PCMTD2: variants seen among roughly 807,000 people sequenced by gnomAD.
PCMTD2 encodes protein-L-isoaspartate (D-aspartate) O-methyltransferase domain containing 2.
Under a neutral mutation model 33.4 loss-of-function variants are expected in PCMTD2, and 16 were observed. The ratio of observed to expected loss-of-function variants is 0.48; its 90% CI spans 0.32 to 0.73. The LOEUF is 0.73. Among genes scored for constraint, PCMTD2 ranks in the 30% least tolerant of loss-of-function variants. The pLI is 0.03. For synonymous variants in PCMTD2, 161 were observed against 160.8 expected (o/e 1.00, Z -0.01); for missense variants, 374 against 449.9 (o/e 0.83, Z 1.53).
chr20:64,264,595 A>G, intron 3 of PCMTD2, 64 bp downstream of exon 3: 1 of 823,654 alleles, frequency 1.2e-6, no homozygotes, highest in Non-Finnish European at 2.1e-6. Context: ...AGTTTTGATC[A>G]GATAGAAAGA....
Position 64,260,358 on chromosome 20 carries a change from C to T in PCMTD2, c.307+86C>T, listed in dbSNP as rs1390947616. The T allele has an allele frequency of 8.6e-6, 8 of 930,164 alleles. No individual in the cohort carries two copies. In the East Asian group the frequency reaches 1.9e-4, roughly 22 times the overall value. 57.6% of individuals were successfully genotyped at this position (930,164 alleles called of 1,614,324 possible). On this transcript the variant is annotated intron_variant, in intron 2 of 5. Coordinates refer to ENST00000308824, the MANE Select transcript of PCMTD2 (RefSeq NM_018257.3). ...ACAGAAAATGTAGTCTGCTAATGGC[C>T]TGCCTGGGTCGAGACCGCAGCCTTC...
At chr20:64,271,892 ACAGCCAGATCC>A (rs1351426627) in intron 5 of PCMTD2, 1 of 206,208 alleles carries the variant, frequency 4.8e-6, no homozygotes, top group East Asian at 1.1e-4. Flanking sequence ...TCTTGGGGCA[ACAGCCAGATCC>A]CAGTGGCTCT....
intron 1 of PCMTD2, chr20:64,256,924 C>T (rs980032152): frequency 6.6e-6 from 1 of 152,226 alleles, no homozygotes; most frequent in Non-Finnish European, 1.5e-5. Context: ...AGGTGCTCCC[C>T]GGCTTACGGT....
Position 64,264,463 on chromosome 20 carries a change from C to T in PCMTD2, c.342C>T (p.His114=). 1 of 1,604,808 alleles carries T rather than the reference C, an allele frequency of 6.2e-7. No individual in the cohort carries two copies. The highest frequency in any genetic ancestry group is 2.2e-5 in the East Asian group (1 of 44,836). The part of the protein sequence containing the change: ...PFGVNHGVEL[H]SDVIEYAKQK... Reference sequence around the variant, plus strand: ...GTGTGAACCATGGGGTGGAACTTCACTCAGATGTGATAGAGTATGCAAAGC... The same window carrying T: ...GTGTGAACCATGGGGTGGAACTTCATTCAGATGTGATAGAGTATGCAAAGC... The change falls in exon 3 of 6, where the codon CAC becomes CAT. Residue 114 remains histidine, a synonymous_variant. Transcript: ENST00000308824.
At chr20:64,257,635 G>C (rs1985223483) in intron 1 of PCMTD2, among the ~76,000 whole-genome samples, 1 of 152,170 alleles carries the variant, frequency 6.6e-6, no homozygotes, top group Admixed American at 6.5e-5. Context: ...GACAAAGATG[G>C]TAATAAATAT....
chr20:64,259,935 A>G lies in PCMTD2; in HGVS notation c.-24-7A>G, dbSNP rs759745511. On this transcript the variant is annotated splice_region_variant and splice_polypyrimidine_tract_variant and intron_variant, in intron 1 of 5. Transcript: ENST00000308824. Reference sequence around the variant, plus strand: ...AAATCGCTCTTTTTAAACATTTTTAATTATAGTATTGCCTAAGTGTAATCT... The same window carrying G: ...AAATCGCTCTTTTTAAACATTTTTAGTTATAGTATTGCCTAAGTGTAATCT... 6.9e-7 allele frequency: 1 copy of G among 1,454,470 alleles called. No individual in the cohort carries two copies. The highest frequency in any genetic ancestry group is 1.2e-5 in the South Asian group (1 of 84,354). The allele number at this position is 1,454,470 out of a possible 1,614,324, so 90.1% of individuals were successfully genotyped here. A position where few individuals can be genotyped will look rare whatever the true frequency, so the allele number is the denominator to read the frequency against.
intron 5 of PCMTD2, chr20:64,272,177 G>A (rs577848230): frequency 3.4e-4 from 126 of 365,398 alleles, no homozygotes; most frequent in African/African-American, 3.0e-3. Context: ...CTGTTTGAGG[G>A]TTTCTGAAGA....
chr20:64,272,750 A>G (rs1439888756), intron 5 of PCMTD2, among the ~76,000 whole-genome samples: 2 of 152,296 alleles, frequency 1.3e-5, no homozygotes, highest in Non-Finnish European at 2.9e-5. Context: ...AACCCAGGAG[A>G]CGGAGGTTGC....
At position 64,273,294 on chromosome 20, in the gene PCMTD2, T is replaced by A. The variant is rs1302825115; in HGVS notation, c.780T>A (p.His260Gln). 1 of 1,614,072 alleles carries A rather than the reference T, an allele frequency of 6.2e-7. No individual in the cohort carries two copies. The highest frequency in any genetic ancestry group is 8.5e-7 in the Non-Finnish European group (1 of 1,179,974). ...GGGGCACCATTAAAAAGATTATTCA[T>A]CAGGAAACTGTGAGCAAAAACGGAA... is the stretch of plus-strand genomic sequence containing the variant. ...AIRGTIKKII[H>Q]QETVSKNGNG... The change falls in exon 6 of 6, where the codon CAT becomes CAA. Residue 260 changes from histidine to glutamine, a missense_variant. Transcript: ENST00000308824.
chr20:64,265,481 T>C, intron 4 of PCMTD2, 52 bp downstream of exon 4: 2 of 1,382,914 alleles, frequency 1.4e-6, no homozygotes, highest in South Asian at 1.3e-5. Context: ...CCAAGGTCTG[T>C]TCTGGGCAGT....
chr20:64,268,721 C>CT (rs1302941469), intron 5 of PCMTD2, among the ~76,000 whole-genome samples: 1 of 121,608 alleles, frequency 8.2e-6, no homozygotes, highest in African/African-American at 3.4e-5. Context: ...TTTGCATAGT[C>CT]TTACAAAAAA....
At chr20:64,261,669 A>G (rs1414312226) in intron 2 of PCMTD2, among the ~76,000 whole-genome samples, 1 of 152,054 alleles carries the variant, frequency 6.6e-6, no homozygotes, top group African/African-American at 2.4e-5. Flanking sequence ...TTTTGGCTTT[A>G]TGCTATAGAT....
intron 4 of PCMTD2, among the ~76,000 whole-genome samples, chr20:64,265,852 A>ATG (rs1407489991): frequency 1.3e-5 from 2 of 152,160 alleles, no homozygotes; most frequent in Admixed American, 1.3e-4. Flanking sequence ...ACATGCCTTG[A>ATG]TGTTATGCAT....
At chr20:64,268,144 T>TGTGCAGG in intron 5 of PCMTD2, 134 bp downstream of exon 5, 3 of 567,828 alleles carry the variant, frequency 5.3e-6, no homozygotes, top group South Asian at 3.1e-5. Context: ...TGTAAAATTC[T>TGTGCAGG]ACAAGCAATT....
chr20:64,265,189 C>T, intron 3 of PCMTD2, 69 bp from the exon 4 acceptor site: 1 of 1,151,566 alleles, frequency 8.7e-7, no homozygotes, highest in Non-Finnish European at 1.2e-6. Context: ...CTGTGGTTAG[C>T]ATAGATTTAC....
At chr20:64,263,932 A>G (rs1985541556) in intron 2 of PCMTD2, among the ~76,000 whole-genome samples, 1 of 152,226 alleles carries the variant, frequency 6.6e-6, no homozygotes, top group Admixed American at 6.5e-5. Context: ...GACTTGTAAC[A>G]TTTCTCAGTT....
chr20:64,266,288 C>T (rs1199997807), intron 4 of PCMTD2, among the ~76,000 whole-genome samples: 12 of 151,938 alleles, frequency 7.9e-5, no homozygotes, highest in African/African-American at 1.2e-4. Flanking sequence ...GACAGAGTCT[C>T]GCTCTGTCGC....
Position 64,273,366 on chromosome 20 carries a change from CCGT to C in PCMTD2, c.855_857del (p.Arg286del). 1 of 1,614,170 alleles carries C rather than the reference CCGT, an allele frequency of 6.2e-7. No homozygotes were observed. Among genetic ancestry groups the C allele is most frequent in the Non-Finnish European group, 8.5e-7 (1 of 1,180,014 alleles). Reference sequence around the variant, plus strand: ...GGTTTAAACGAAGGAGAGTTCGCCGCCGTCGAATGGAAACGATTGTCTTTTTGG... The same window carrying C: ...GGTTTAAACGAAGGAGAGTTCGCCGCCGAATGGAAACGATTGTCTTTTTGG... On this transcript the variant is annotated inframe_deletion, in exon 6 of 6. Transcript: ENST00000308824.
At chr20:64,259,866 G>A (rs1396245183) in intron 1 of PCMTD2, 76 bp from the exon 2 acceptor site, 2 of 687,134 alleles carry the variant, frequency 2.9e-6, no homozygotes, top group Non-Finnish European at 5.0e-6. Flanking sequence ...TTTCAAATTG[G>A]TATCTGTTTA....
Sources: gnomAD v4.1 joint callset for allele counts (sites outside exome capture counted in the v4.1 genomes callset) on GRCh38, gnomAD v4.1.1 for gene constraint, MANE v1.5 for transcripts, NCBI Gene and HGNC (gene_info 2026-07-23, HGNC 2026-07-21) for gene names.